Variants in NRP2 observed in about 807,000 individuals in gnomAD.
NRP2 encodes the protein neuropilin-2.
In NRP2, 52 loss-of-function variants were observed where a neutral mutation model predicts 110.4. The ratio of observed to expected loss-of-function variants is 0.47; its 90% CI spans 0.38 to 0.59. The LOEUF is 0.59. NRP2 is among the 20% of genes least tolerant of loss of function. The pLI, the probability that NRP2 is intolerant of heterozygous loss-of-function variation, is 0.00. For synonymous variants in NRP2, 508 were observed against 468.9 expected (o/e 1.08, Z -1.08); for missense variants, 1,049 against 1,203.0 (o/e 0.87, Z 1.89).
chr2:205,770,365 G>C (rs1483065199), intron 15 of NRP2, among the ~76,000 whole-genome samples: 1 of 152,174 alleles, frequency 6.6e-6, no homozygotes, highest in African/African-American at 2.4e-5. Flanking sequence ...TGGGCATAGA[G>C]GGGAGCAGTA....
intron 3 of NRP2, among the ~76,000 whole-genome samples, chr2:205,721,478 G>C (rs1367860899): frequency 6.6e-6 from 1 of 152,158 alleles, no homozygotes; most frequent in Admixed American, 6.5e-5. Flanking sequence ...GTGCTCCCGG[G>C]ACCCATCTGT....
At chr2:205,764,373 G>A in intron 13 of NRP2, 1 of 191,892 alleles carries the variant, frequency 5.2e-6, no homozygotes, top group Non-Finnish European at 1.1e-5. Context: ...GGGGGCTGTT[G>A]GCGCTCAGTG....
In NRP2 at chr2:205,683,652, A is replaced by G. The variant is rs182358746; in HGVS notation, c.73+289A>G. Among the ~76,000 whole-genome samples, 359 of 152,330 alleles carry G rather than the reference A, an allele frequency of 2.4e-3. 1 individual carries two copies. The highest frequency in any genetic ancestry group is 8.1e-3 in the African/African-American group (336 of 41,578). ...CATATGGACTGAATCAAAGGTTTAA[A>G]AATACTACAAAGCCTTTGCATTACA... On this transcript the variant is annotated intron_variant, in intron 1 of 16. Transcript: ENST00000357785.
chr2:205,686,544 G>A lies in NRP2; in HGVS notation c.73+3181G>A, dbSNP rs903507731. Among the ~76,000 whole-genome samples, 1 of 152,230 alleles carries A rather than the reference G, an allele frequency of 6.6e-6. No homozygotes were observed. Among genetic ancestry groups the A allele is most frequent in the Non-Finnish European group, 1.5e-5 (1 of 68,048 alleles). On this transcript the variant is annotated intron_variant, in intron 1 of 16. Coordinates refer to ENST00000357785, the MANE Select transcript of NRP2 (RefSeq NM_003872.3). This position sits in a 1 kb window ranked among gnomAD's most constrained non-coding sequence, Gnocchi z 4.7. ...TCGACTCGGGCTGGCTGTGCCGGGGGTCTTTCCCACCGGGTCGCAGGCGTC... is the reference window on the plus strand; with the variant it reads ...TCGACTCGGGCTGGCTGTGCCGGGGATCTTTCCCACCGGGTCGCAGGCGTC...
intron 10 of NRP2, 106 bp from the exon 11 acceptor site, chr2:205,749,619 G>A (rs954303910): frequency 9.0e-6 from 8 of 884,858 alleles, no homozygotes; most frequent in East Asian, 4.9e-5. Context: ...CCGTGCACAT[G>A]TGTGCATCTT....
At chr2:205,786,055 A>G (rs1003376806) in intron 15 of NRP2, among the ~76,000 whole-genome samples, 2 of 152,238 alleles carry the variant, frequency 1.3e-5, no homozygotes, top group African/African-American at 4.8e-5. Context: ...CCAGCAAGGA[A>G]TGAATGGCTC....
chr2:205,740,686 G>T, intron 8 of NRP2, 23 bp downstream of exon 8: 1 of 1,613,522 alleles, frequency 6.2e-7, no homozygotes, highest in Non-Finnish European at 8.5e-7. Context: ...CTCCAATGAG[G>T]TTGGGGTGCT....
intron 16 of NRP2, among the ~76,000 whole-genome samples, chr2:205,792,956 C>T (rs2105976991): frequency 6.6e-6 from 1 of 152,272 alleles, no homozygotes; most frequent in East Asian, 1.9e-4. Flanking sequence ...ACAGACTCAA[C>T]AGCAAGATTC....
chr2:205,792,535 C>T (rs1283010914), intron 16 of NRP2, among the ~76,000 whole-genome samples: 2 of 152,194 alleles, frequency 1.3e-5, no homozygotes, highest in Non-Finnish European at 2.9e-5. Flanking sequence ...TAACTTTTTA[C>T]CTGGATGGAC....
At chr2:205,699,696 C>A (rs1300016911) in intron 2 of NRP2, among the ~76,000 whole-genome samples, 1 of 152,190 alleles carries the variant, frequency 6.6e-6, no homozygotes, top group African/African-American at 2.4e-5. Context: ...GAAGGCATTG[C>A]CCCTTGCTGG....
At position 205,747,597 on chromosome 2, in the gene NRP2, C is replaced by G. The variant is rs536787281; in HGVS notation, c.1786+1707C>G. Among the ~76,000 whole-genome samples the G allele has an allele frequency of 2.0e-5, 3 of 152,288 alleles. No homozygotes were observed. The East Asian group carries it at 5.8e-4, about 29-fold the overall frequency. ...CTGGTCATGACCTATTCGACGGATTCCACAACCCAATGATGAGAGTGATGC... is the reference window on the plus strand; with the variant it reads ...CTGGTCATGACCTATTCGACGGATTGCACAACCCAATGATGAGAGTGATGC... On this transcript the variant is annotated intron_variant, in intron 10 of 16. Transcript: ENST00000357785.
At chr2:205,790,508 A>T (rs943616182) in intron 15 of NRP2, among the ~76,000 whole-genome samples, 3 of 152,208 alleles carry the variant, frequency 2.0e-5, no homozygotes, top group Admixed American at 6.5e-5. Context: ...AGTCACTGGC[A>T]GGAGCCCCGT....
At chr2:205,709,808 T>C (rs988217724) in intron 2 of NRP2, among the ~76,000 whole-genome samples, 4 of 152,206 alleles carry the variant, frequency 2.6e-5, no homozygotes, top group Non-Finnish European at 5.9e-5. Context: ...GTGCTCTAGA[T>C]GATAACTTAA....
rs547934825 is a variant in NRP2, at chr2:205,758,432, C to T, written c.2045-5242C>T. On this transcript the variant is annotated intron_variant, in intron 12 of 16. Transcript: ENST00000357785. The stretch of plus-strand genomic sequence containing the variant: ...CTGATTCCATTGCTGTTGGGCCAGT[C>T]GCAGTCACGTGTTCACATGACACTT... 8.3e-4 allele frequency among the ~76,000 whole-genome samples: 126 copies of T among 152,256 alleles called. 1 individual carries two copies. Among genetic ancestry groups the T allele is most frequent in the Non-Finnish European group, 1.1e-3 (78 of 68,022 alleles).
intron 15 of NRP2, among the ~76,000 whole-genome samples, chr2:205,785,401 A>C (rs1305466793): frequency 6.6e-6 from 1 of 152,152 alleles, no homozygotes; most frequent in Non-Finnish European, 1.5e-5. Flanking sequence ...AAAAAATAAG[A>C]CTACACAAGA....
intron 6 of NRP2, among the ~76,000 whole-genome samples, chr2:205,726,910 C>T (rs2057139272): frequency 6.6e-6 from 1 of 152,216 alleles, no homozygotes; most frequent in Non-Finnish European, 1.5e-5. Context: ...AGGGAGTCCA[C>T]AGAGGTTCTA....
In NRP2 at chr2:205,697,561, C is replaced by T. The variant is rs1288599516; in HGVS notation, c.91C>T (p.Arg31Cys). Reference protein sequence around the residue: ...RGQPDPPCGGRLNSKDAGYIT... With the variant: ...RGQPDPPCGGCLNSKDAGYIT... The stretch of plus-strand genomic sequence containing the variant: ...TCTTTCAGACCCACCGTGCGGAGGT[C>T]GTTTGAATTCCAAAGATGCTGGCTA... The change falls in exon 2 of 17, where the codon CGT (arginine) becomes TGT (cysteine). Residue 31 changes from arginine to cysteine, a missense_variant. Arg to Cys is a radical substitution (Grantham distance 180). Transcript: ENST00000357785. 6.2e-7 allele frequency: 1 copy of T among 1,613,916 alleles called. No homozygotes were observed. Among genetic ancestry groups the T allele is most frequent in the Non-Finnish European group, 8.5e-7 (1 of 1,179,958 alleles).
At chr2:205,720,564 C>T (rs2056990909) in intron 3 of NRP2, among the ~76,000 whole-genome samples, 1 of 152,206 alleles carries the variant, frequency 6.6e-6, no homozygotes, top group Admixed American at 6.5e-5. Flanking sequence ...TTCTAGCTCT[C>T]AAGCAAGAAG....
At chr2:205,755,707 G>A (rs140561530) in intron 12 of NRP2, among the ~76,000 whole-genome samples, 6 of 152,114 alleles carry the variant, frequency 3.9e-5, no homozygotes, top group Admixed American at 6.5e-5. Context: ...GGTTCAGAGC[G>A]GCTGGCGCCC....
Sources: gnomAD v4.1 joint callset for allele counts (sites outside exome capture counted in the v4.1 genomes callset) on GRCh38, gnomAD v4.1.1 for gene constraint, Gnocchi (gnomAD v3.1) non-coding constraint, MANE v1.5 for transcripts, NCBI Gene and HGNC (gene_info 2026-07-23, HGNC 2026-07-21) for gene names.